Variants in SHTN1 observed in about 807,000 individuals in gnomAD.
SHTN1 encodes the protein shootin 1.
In SHTN1, 42 loss-of-function variants were observed where a neutral mutation model predicts 83.1. The ratio of observed to expected loss-of-function variants is 0.51; its 90% CI spans 0.39 to 0.65. The LOEUF (loss-of-function observed/expected upper bound fraction) is 0.65. SHTN1 is among the 30% of genes least tolerant of loss of function. The pLI is 0.00. For synonymous variants in SHTN1, 224 were observed against 247.7 expected (o/e 0.90, Z 0.90); for missense variants, 622 against 737.8 (o/e 0.84, Z 1.82).
intron 1 of SHTN1, among the ~76,000 whole-genome samples, chr10:117,118,348 A>G (rs1289743950): frequency 7.3e-6 from 1 of 136,916 alleles, no homozygotes; most frequent in African/African-American, 2.7e-5. Flanking sequence ...CACCACAATG[A>G]AATATAATCC....
chr10:116,893,789 A>C (rs762638326), intron 16 of SHTN1, among the ~76,000 whole-genome samples: 1 of 152,188 alleles, frequency 6.6e-6, no homozygotes, highest in Non-Finnish European at 1.5e-5. Flanking sequence ...AGCTGAGATA[A>C]TTAGTTTGAG....
chr10:116,987,644 C>T (rs1284121988), intron 1 of SHTN1, among the ~76,000 whole-genome samples: 1 of 152,102 alleles, frequency 6.6e-6, no homozygotes, highest in Non-Finnish European at 1.5e-5. Context: ...AGGTCAGACG[C>T]AGTGGCTCAC....
At chr10:117,044,538 C>T (rs192209628) in intron 2 of SHTN1, among the ~76,000 whole-genome samples, 99 of 152,112 alleles carry the variant, frequency 6.5e-4, no homozygotes, top group Middle Eastern at 3.4e-3. Flanking sequence ...TGTGAAACAC[C>T]CATTCTTGAA....
At chr10:116,927,754 A>G in intron 11 of SHTN1, 38 bp downstream of exon 11, 1 of 1,475,118 alleles carries the variant, frequency 6.8e-7, no homozygotes, top group Non-Finnish European at 9.0e-7. Flanking sequence ...GATGGAGAAG[A>G]ACATTTGATG....
At chr10:117,048,430 G>A (rs541782668) in intron 2 of SHTN1, 21 of 975,378 alleles carry the variant, frequency 2.2e-5, no homozygotes, top group East Asian at 1.1e-4. Flanking sequence ...ACATCGGCAC[G>A]GTCTTGTTAC....
intron 1 of SHTN1, among the ~76,000 whole-genome samples, chr10:117,060,344 T>C (rs1852881893): frequency 6.6e-6 from 1 of 152,236 alleles, no homozygotes; most frequent in South Asian, 2.1e-4. Context: ...ATTTTTTAAA[T>C]ATCTACTTTA....
chr10:117,108,562 T>TG (rs1230190737), intron 1 of SHTN1, among the ~76,000 whole-genome samples: 2 of 57,000 alleles, frequency 3.5e-5, no homozygotes, highest in African/African-American at 1.5e-4. Flanking sequence ...TGTCGTGGGG[T>TG]GGGGGGAGGG....
intron 1 of SHTN1, among the ~76,000 whole-genome samples, chr10:117,121,911 A>G (rs1025387383): frequency 3.3e-5 from 5 of 152,144 alleles, no homozygotes; most frequent in African/African-American, 7.2e-5. Context: ...AGGCGCCTGT[A>G]GTCCCAGCTA....
chr10:117,069,038 C>T (rs1021188484), intron 1 of SHTN1, among the ~76,000 whole-genome samples: 2 of 151,840 alleles, frequency 1.3e-5, no homozygotes, highest in African/African-American at 2.4e-5. Context: ...ACTGGCCTCC[C>T]GAGGAAATCT....
chr10:117,065,856 A>AGGGAGGGAG, intron 1 of SHTN1, among the ~76,000 whole-genome samples: 1 of 37,066 alleles, frequency 2.7e-5, no homozygotes, highest in East Asian at 2.0e-3. Context: ...AAGGAAGGAA[A>AGGGAGGGAG]GGAGGGAGGG....
chr10:117,003,989 G>A (rs957325563), intron 1 of SHTN1, among the ~76,000 whole-genome samples: 1 of 152,088 alleles, frequency 6.6e-6, no homozygotes, highest in Non-Finnish European at 1.5e-5. Flanking sequence ...CCGCCTCCTG[G>A]CGATTCTCCT....
At chr10:117,027,905 C>A (rs541534439) in intron 2 of SHTN1, among the ~76,000 whole-genome samples, 213 of 152,290 alleles carry the variant, frequency 1.4e-3, no homozygotes, top group African/African-American at 5.0e-3. Context: ...ACCTTTGGAA[C>A]TGGGTAATGT....
chr10:116,963,710 G>A (rs773473571), intron 3 of SHTN1, among the ~76,000 whole-genome samples: 20 of 152,194 alleles, frequency 1.3e-4, no homozygotes, highest in Non-Finnish European at 2.6e-4. Context: ...TGGAAGACTG[G>A]CTGTGAGTTG....
chr10:116,885,755 AGTT>A lies in SHTN1; in HGVS notation c.*586_*588del, dbSNP rs1186212093. The A allele has an allele frequency of 6.6e-6, 1 of 152,668 alleles. No individual in the cohort carries two copies. Among genetic ancestry groups the A allele is most frequent in the African/African-American group, 2.4e-5 (1 of 41,458 alleles). 9.5% of individuals were successfully genotyped at this position (152,668 alleles called of 1,614,324 possible). ...CAATAGCATGTATTTTTCATCCAATAGTTAACAATGTGTGTAATTAACACTGAC... is the reference window on the plus strand; with the variant it reads ...CAATAGCATGTATTTTTCATCCAATAAACAATGTGTGTAATTAACACTGAC... On this transcript the variant is annotated 3_prime_UTR_variant, in exon 17 of 17. Transcript: ENST00000355371.
chr10:117,084,391 C>G (rs1445704690), intron 1 of SHTN1, among the ~76,000 whole-genome samples: 1 of 152,240 alleles, frequency 6.6e-6, no homozygotes. Flanking sequence ...GGCAGTCTGA[C>G]TGTTCTCAGA....
intron 4 of SHTN1, among the ~76,000 whole-genome samples, chr10:116,959,393 T>C (rs1850097822): frequency 6.6e-6 from 1 of 151,986 alleles, no homozygotes. Flanking sequence ...TTATTGAGAG[T>C]AGGATTTCAG....
Position 116,881,784 on chromosome 10 carries a change from G to T in SHTN1, c.*4560C>A. The T allele has an allele frequency of 2.6e-6, 2 of 780,544 alleles. No individual in the cohort carries two copies. Among genetic ancestry groups the T allele is most frequent in the Non-Finnish European group, 3.6e-6 (2 of 550,912 alleles). The allele number at this position is 780,544 out of a possible 1,614,324, so 48.4% of individuals were successfully genotyped here. A position where few individuals can be genotyped will look rare whatever the true frequency, so the allele number is the denominator to read the frequency against. ...CCTCTTCAACTTCACCAACTCTTGTGGTTTTTATTCTTCTAATTCCACTGT... is the reference window on the plus strand; with the variant it reads ...CCTCTTCAACTTCACCAACTCTTGTTGTTTTTATTCTTCTAATTCCACTGT... On this transcript the variant is annotated 3_prime_UTR_variant, in exon 17 of 17. Transcript: ENST00000355371.
intron 1 of SHTN1, among the ~76,000 whole-genome samples, chr10:116,982,391 C>A (rs559351580): frequency 1.3e-3 from 191 of 152,224 alleles, no homozygotes; most frequent in African/African-American, 4.4e-3. Flanking sequence ...AAACCAAGCT[C>A]ACTACCATAA....
chr10:117,064,358 C>T (rs1314763363), intron 1 of SHTN1, among the ~76,000 whole-genome samples: 3 of 152,156 alleles, frequency 2.0e-5, no homozygotes, highest in African/African-American at 7.2e-5. Context: ...TTGCCTCTCA[C>T]TAGAAATGTA....
Sources: gnomAD v4.1 joint callset for allele counts (sites outside exome capture counted in the v4.1 genomes callset) on GRCh38, gnomAD v4.1.1 for gene constraint, MANE v1.5 for transcripts, NCBI Gene and HGNC (gene_info 2026-07-23, HGNC 2026-07-21) for gene names.